The following CCDC148 variants were observed in gnomAD, a reference collection of about 807,000 sequenced individuals.
CCDC148 encodes coiled-coil domain-containing protein 148.
In CCDC148, 89 loss-of-function variants were observed where a neutral mutation model predicts 85.7. The ratio of observed to expected loss-of-function variants is 1.04; its 90% CI spans 0.87 to 1.24. CCDC148 has a LOEUF of 1.24. Ranked by LOEUF, CCDC148 falls within the 50% of genes most tolerant of loss-of-function variation. The probability of loss-of-function intolerance (pLI) is 0.00; values close to 1 mark genes in which losing one functional copy is unlikely to be tolerated. For missense variants in CCDC148, 692 were observed against 671.7 expected, an observed-to-expected ratio of 1.03 and a Z score of -0.33; for synonymous variants, 230 against 213.9, an observed-to-expected ratio of 1.08 and a Z score of -0.66.
At chr2:158,416,500 C>T (rs1686507052) in intron 1 of CCDC148, among the ~76,000 whole-genome samples, 1 of 152,160 alleles carries the variant, frequency 6.6e-6, no homozygotes, top group African/African-American at 2.4e-5. Context: ...TTCTATCTCT[C>T]AAGTACAAAG....
At chr2:158,341,205 C>T (rs764298506) in intron 3 of CCDC148, among the ~76,000 whole-genome samples, 7 of 151,716 alleles carry the variant, frequency 4.6e-5, no homozygotes, top group Admixed American at 6.6e-5. Context: ...TGTATACATA[C>T]GTATGTGTAC....
intron 1 of CCDC148, among the ~76,000 whole-genome samples, chr2:158,414,695 T>G (rs974871260): frequency 6.6e-6 from 1 of 152,192 alleles, no homozygotes; most frequent in African/African-American, 2.4e-5. Context: ...TGTGCAATGT[T>G]AGAAATGAGG....
At chr2:158,448,765 A>T (rs1311178220) in intron 1 of CCDC148, among the ~76,000 whole-genome samples, 1 of 152,032 alleles carries the variant, frequency 6.6e-6, no homozygotes, top group African/African-American at 2.4e-5. Flanking sequence ...ATTTATTCTT[A>T]AATATTGTCT....
At chr2:158,394,740 T>C (rs1574745693) in intron 1 of CCDC148, among the ~76,000 whole-genome samples, 1 of 152,042 alleles carries the variant, frequency 6.6e-6, no homozygotes, top group Non-Finnish European at 1.5e-5. Context: ...ATACCCTCAA[T>C]AGGGCCTCTC....
At chr2:158,428,224 A>C (rs1264492470) in intron 1 of CCDC148, among the ~76,000 whole-genome samples, 1 of 152,180 alleles carries the variant, frequency 6.6e-6, no homozygotes, top group East Asian at 1.9e-4. Context: ...AAACTAATTC[A>C]GTGGCAATGA....
At chr2:158,307,285 A>T (rs2105206215) in intron 9 of CCDC148, among the ~76,000 whole-genome samples, 1 of 152,304 alleles carries the variant, frequency 6.6e-6, no homozygotes, top group South Asian at 2.1e-4. Context: ...GCTTCTCACA[A>T]AAGAGGATAC....
intron 9 of CCDC148, among the ~76,000 whole-genome samples, chr2:158,280,462 G>A (rs1001371268): frequency 5.9e-5 from 9 of 152,130 alleles, no homozygotes; most frequent in African/African-American, 1.9e-4. Context: ...ACAAAAAAAG[G>A]CAGGGGTTGC....
At chr2:158,187,648 G>T (rs1685218825) in intron 11 of CCDC148, among the ~76,000 whole-genome samples, 1 of 151,968 alleles carries the variant, frequency 6.6e-6, no homozygotes, top group Non-Finnish European at 1.5e-5. Flanking sequence ...TGGTACTGAT[G>T]ATACCTTCTT....
In CCDC148 at chr2:158,250,779, T is replaced by C. The variant is rs1688758227; in HGVS notation, c.1244A>G (p.Lys415Arg). Residue 415 changes from lysine (K) to arginine (R), a missense_variant, in exon 10 of 14, where the codon AAA becomes AGA. Transcript: ENST00000283233. ...TGACAATAGATTTTTTACTTTTTTT[T>C]TCTTCTCTGCTCTTTGCAACAATTC... ...KKELLQRAEK[K>R]KKIKKYWAKK... 3 of 1,553,930 alleles carry C rather than the reference T, an allele frequency of 1.9e-6. No individual in the cohort carries two copies. Among genetic ancestry groups the C allele is most frequent in the East Asian group, 2.3e-5 (1 of 42,604 alleles).
chr2:158,294,205 T>A (rs1387696525), intron 9 of CCDC148, among the ~76,000 whole-genome samples: 1 of 152,126 alleles, frequency 6.6e-6, no homozygotes, highest in African/African-American at 2.4e-5. Context: ...TCTGACATAT[T>A]TTGTTTAGCG....
intron 1 of CCDC148, among the ~76,000 whole-genome samples, chr2:158,422,256 GA>G (rs1180848431): frequency 1.3e-5 from 2 of 152,118 alleles, no homozygotes; most frequent in East Asian, 1.9e-4. Flanking sequence ...GCATCATCCT[GA>G]TACCAAAGCC....
chr2:158,266,229 G>A (rs1372675935), intron 9 of CCDC148, among the ~76,000 whole-genome samples: 1 of 152,100 alleles, frequency 6.6e-6, no homozygotes, highest in African/African-American at 2.4e-5. Context: ...GAGTAAAGGG[G>A]GCTGGGTGTA....
At chr2:158,286,539 G>A (rs935991759) in intron 9 of CCDC148, among the ~76,000 whole-genome samples, 3 of 152,146 alleles carry the variant, frequency 2.0e-5, no homozygotes, top group Non-Finnish European at 4.4e-5. Context: ...AGGTTCAAGA[G>A]TTAAAAAGAC....
intron 3 of CCDC148, among the ~76,000 whole-genome samples, chr2:158,344,954 G>A (rs192917631): frequency 1.7e-3 from 263 of 152,214 alleles, no homozygotes; most frequent in South Asian, 7.7e-3. Flanking sequence ...ATACAAGTAT[G>A]AGAGTGGGAG....
intron 1 of CCDC148, among the ~76,000 whole-genome samples, chr2:158,435,972 T>C (rs1029976084): frequency 7.2e-5 from 11 of 152,158 alleles, no homozygotes; most frequent in Non-Finnish European, 5.9e-5. Flanking sequence ...CCCAGATTCA[T>C]AAAGCAAGTT....
At chr2:158,177,683 C>T (rs992846455) in intron 12 of CCDC148, among the ~76,000 whole-genome samples, 3 of 152,080 alleles carry the variant, frequency 2.0e-5, no homozygotes, top group African/African-American at 7.2e-5. Context: ...TTTGTAGGAT[C>T]CAGGATTACC....
chr2:158,187,305 C>G (rs1402672049), intron 11 of CCDC148, among the ~76,000 whole-genome samples: 1 of 151,948 alleles, frequency 6.6e-6, no homozygotes. Context: ...TTCAGTCTCT[C>G]TCTCTCTCTA....
chr2:158,444,710 G>A (rs1487786394), intron 1 of CCDC148, among the ~76,000 whole-genome samples: 2 of 146,956 alleles, frequency 1.4e-5, no homozygotes, highest in East Asian at 2.2e-4. Context: ...TTGAGCTGGG[G>A]AGAGGTTTAG....
intron 2 of CCDC148, among the ~76,000 whole-genome samples, chr2:158,352,259 C>T (rs1303486246): frequency 6.6e-6 from 1 of 150,518 alleles, no homozygotes; most frequent in Non-Finnish European, 1.5e-5. Context: ...AAGAAGGCTT[C>T]AGACGATCAA....
Sources: allele counts gnomAD v4.1 joint callset (sites outside exome capture counted in the v4.1 genomes callset), GRCh38; gene constraint gnomAD v4.1.1; transcripts MANE v1.5; gene names NCBI Gene and HGNC (gene_info 2026-07-23, HGNC 2026-07-21).